Variants in ABL2 observed in about 807,000 individuals in gnomAD.
ABL2 encodes the protein ABL proto-oncogene 2, non-receptor tyrosine kinase.
ABL2 carries 49 observed loss-of-function variants against 107.7 expected under a neutral mutation model. That is an observed-to-expected ratio of 0.45 (90% CI 0.36 to 0.58). ABL2 has a LOEUF of 0.58. Among genes scored for constraint, ABL2 ranks in the 20% least tolerant of loss-of-function variants. The pLI, the probability that ABL2 is intolerant of heterozygous loss-of-function variation, is 0.00. For missense variants in ABL2, 1,245 were observed against 1,457.0 expected, an observed-to-expected ratio of 0.85 and a Z score of 2.37; for synonymous variants, 549 against 548.6, an observed-to-expected ratio of 1.00 and a Z score of -0.01.
chr1:179,143,015 A>C, intron 1 of ABL2: 1 of 1,614,212 alleles, frequency 6.2e-7, no homozygotes, highest in Non-Finnish European at 8.5e-7. Flanking sequence ...CATAACTATT[A>C]GGTGGAAGGA....
At chr1:179,200,403 A>T (rs943847468) in intron 1 of ABL2, among the ~76,000 whole-genome samples, 1 of 152,186 alleles carries the variant, frequency 6.6e-6, no homozygotes, top group Non-Finnish European at 1.5e-5. Context: ...TCCTTCCTGA[A>T]TAATATATTT....
chr1:179,212,424 T>C (rs1445278102), intron 1 of ABL2, among the ~76,000 whole-genome samples: 2 of 152,212 alleles, frequency 1.3e-5, no homozygotes, highest in Non-Finnish European at 2.9e-5. Context: ...AAAGCAGCAA[T>C]GTCCATTAGA....
At chr1:179,148,239 C>T (rs993304058) in intron 1 of ABL2, among the ~76,000 whole-genome samples, 4 of 151,736 alleles carry the variant, frequency 2.6e-5, no homozygotes, top group African/African-American at 9.7e-5. Flanking sequence ...GTGGTTTCAC[C>T]ATGTTGCCCA....
In ABL2 at chr1:179,102,366, A is replaced by G. The variant is rs1005648385; in HGVS notation, c.*5352T>C. 7.7e-5 allele frequency: 16 copies of G among 208,004 alleles called. No individual in the cohort carries two copies. The highest frequency in any genetic ancestry group is 1.4e-4 in the Non-Finnish European group (14 of 102,060). 12.9% of individuals were successfully genotyped at this position (208,004 alleles called of 1,614,324 possible). On this transcript the variant is annotated 3_prime_UTR_variant, in exon 12 of 12. Coordinates refer to ENST00000502732, the MANE Select transcript of ABL2 (RefSeq NM_007314.4). ...CCAGAACTCTATCCAAATGATATAGATATCTTGACTGTTAAGAGTTGGAGA... is the reference window on the plus strand; with the variant it reads ...CCAGAACTCTATCCAAATGATATAGGTATCTTGACTGTTAAGAGTTGGAGA...
chr1:179,118,354 A>AT (rs1032852598), intron 7 of ABL2, among the ~76,000 whole-genome samples: 22 of 151,686 alleles, frequency 1.5e-4, no homozygotes, highest in Non-Finnish European at 2.9e-4. Flanking sequence ...CACTATTGCA[A>AT]TTTTTTTTTA....
chr1:179,216,777 G>T (rs571817729), intron 1 of ABL2, among the ~76,000 whole-genome samples: 1 of 151,334 alleles, frequency 6.6e-6, no homozygotes, highest in African/African-American at 2.4e-5. Flanking sequence ...TCCACCTCCC[G>T]GGTTCAAGCA....
chr1:179,172,513 C>T (rs755370145), intron 1 of ABL2, among the ~76,000 whole-genome samples: 81 of 152,128 alleles, frequency 5.3e-4, no homozygotes, highest in Non-Finnish European at 9.0e-4. Flanking sequence ...AGGGCAAGGT[C>T]TCTGCTCTAG....
chr1:179,149,213 C>T (rs182736524), intron 1 of ABL2, among the ~76,000 whole-genome samples: 6 of 152,352 alleles, frequency 3.9e-5, no homozygotes, highest in African/African-American at 1.2e-4. Flanking sequence ...GGTCTGCAAA[C>T]CAGCCATAAC....
At chr1:179,180,127 CA>C (rs998732732) in intron 1 of ABL2, among the ~76,000 whole-genome samples, 45 of 132,820 alleles carry the variant, frequency 3.4e-4, no homozygotes, top group East Asian at 1.1e-3. Flanking sequence ...CTTAAAAAAA[CA>C]AAAAAAAAAA....
chr1:179,160,395 G>C lies in ABL2; in HGVS notation c.158-27021C>G, dbSNP rs568577523. Among the ~76,000 whole-genome samples the C allele has an allele frequency of 1.9e-3, 296 of 151,918 alleles. 2 individuals are homozygous for C. The highest frequency in any genetic ancestry group is 6.6e-3 in the African/African-American group (275 of 41,480). ...ATAAAAAATAAAACATTTTGTAAAA[G>C]TATATACTTCTACATCATTCCTATA... On this transcript the variant is annotated intron_variant, in intron 1 of 11. Coordinates refer to ENST00000502732, the MANE Select transcript of ABL2 (RefSeq NM_007314.4).
intron 1 of ABL2, chr1:179,137,925 GGAT>G: frequency 6.6e-6 from 1 of 152,330 alleles, no homozygotes; most frequent in South Asian, 2.1e-4. Flanking sequence ...AGTTTAAGAA[GGAT>G]GATTGATTAA....
intron 1 of ABL2, 64 bp downstream of exon 1, chr1:179,229,177 A>AC (rs2124887924): frequency 8.0e-5 from 16 of 198,888 alleles, no homozygotes; most frequent in South Asian, 2.4e-4. Flanking sequence ...TCCGCCACCC[A>AC]CCCCGCCCCG....
At chr1:179,189,872 G>A (rs1273036526) in intron 1 of ABL2, among the ~76,000 whole-genome samples, 1 of 151,800 alleles carries the variant, frequency 6.6e-6, no homozygotes, top group Admixed American at 6.6e-5. Context: ...CCAGACTGGA[G>A]TGCAACGGCG....
intron 9 of ABL2, 82 bp downstream of exon 9, chr1:179,114,796 G>T: frequency 7.2e-7 from 1 of 1,381,386 alleles, no homozygotes. Context: ...ACAACACTGA[G>T]AGGAGAAATG....
rs1158197636 is a variant in ABL2 at position 179,195,930 on chromosome 1, GGAA to G, written c.157+33308_157+33310del. Among the ~76,000 whole-genome samples the G allele has an allele frequency of 2.6e-5, 4 of 152,330 alleles. No homozygotes were observed. The Middle Eastern group carries it at 0.01, about 389-fold the overall frequency. On this transcript the variant is annotated intron_variant, in intron 1 of 11. Coordinates refer to ENST00000502732, the MANE Select transcript of ABL2 (RefSeq NM_007314.4). ...TTTAACAGATGCAGAGCTTCAGTCT[GGAA>G]GAAGAAAAGAGTTCTGGAGATGGAT...
At chr1:179,182,261 C>T (rs1411117016) in intron 1 of ABL2, among the ~76,000 whole-genome samples, 1 of 152,112 alleles carries the variant, frequency 6.6e-6, no homozygotes, top group Non-Finnish European at 1.5e-5. Context: ...TATTCTCCTA[C>T]TCCTAAAGTG....
chr1:179,190,919 T>C (rs1473454363), intron 1 of ABL2, among the ~76,000 whole-genome samples: 1 of 152,164 alleles, frequency 6.6e-6, no homozygotes, highest in East Asian at 1.9e-4. Flanking sequence ...ATATGGTCCA[T>C]TATATCCAGA....
intron 1 of ABL2, among the ~76,000 whole-genome samples, chr1:179,167,523 T>C (rs941038332): frequency 1.1e-4 from 16 of 152,102 alleles, no homozygotes; most frequent in African/African-American, 3.6e-4. Context: ...GTGACTATAG[T>C]TAGAAACAAC....
chr1:179,214,366 A>G (rs1662444342), intron 1 of ABL2, among the ~76,000 whole-genome samples: 3 of 151,954 alleles, frequency 2.0e-5, no homozygotes. Context: ...AAGATATAAG[A>G]TGCAACATCT....
Sources: gnomAD v4.1 joint callset for allele counts (sites outside exome capture counted in the v4.1 genomes callset) on GRCh38, gnomAD v4.1.1 for gene constraint, MANE v1.5 for transcripts, NCBI Gene and HGNC (gene_info 2026-07-23, HGNC 2026-07-21) for gene names.